The following NFKB1 variants were observed in gnomAD, a reference collection of about 807,000 sequenced individuals.
NFKB1 encodes the protein nuclear factor kappa B subunit 1.
NFKB1 carries 9 observed loss-of-function variants against 105.1 expected under a neutral mutation model. That is an observed-to-expected ratio of 0.09 (90% CI 0.05 to 0.15). The LOEUF (loss-of-function observed/expected upper bound fraction) is 0.15, where lower values mean the gene tolerates loss of function less well. Ranked by LOEUF, NFKB1 falls within the 10% of genes least tolerant of loss-of-function variation. The probability of loss-of-function intolerance (pLI) is 1.00; values close to 1 mark genes in which losing one functional copy is unlikely to be tolerated. For missense variants in NFKB1, 830 were observed against 1,203.7 expected (o/e 0.69, Z 4.59); for synonymous variants, 440 against 442.2 (o/e 1.00, Z 0.06).
rs993477623 is a variant in NFKB1, at chr4:102,607,632, T to G, written c.2125-17T>G. On this transcript the variant is annotated splice_polypyrimidine_tract_variant and intron_variant, in intron 18 of 23. Transcript: ENST00000226574. ...AGAACCTTCCACTAACGCTTTCTTG[T>G]GTGGGCTGGATTGTAGGGTGATGCC... 1.9e-6 allele frequency: 3 copies of G among 1,612,314 alleles called. No individual in the cohort carries two copies. Among genetic ancestry groups the G allele is most frequent in the Middle Eastern group, 1.7e-4 (1 of 6,056 alleles).
At chr4:102,505,871 T>C (rs1452601415) in intron 1 of NFKB1, among the ~76,000 whole-genome samples, 1 of 150,440 alleles carries the variant, frequency 6.6e-6, no homozygotes, top group East Asian at 1.9e-4. Context: ...ATGAAGTTGT[T>C]GCAAAATTTT....
rs1049333676 is a variant in NFKB1 at position 102,584,617 on chromosome 4, A to G, written c.928-65A>G. ...AGCATAAGGAATGTGTTTAATGAGT[A>G]GCATTACTGCAAAAAAAAAAAAAAT... On this transcript the variant is annotated intron_variant, in intron 10 of 23. Transcript: ENST00000226574. 3.5e-6 allele frequency: 5 copies of G among 1,433,616 alleles called. No homozygotes were observed. In the African/African-American group the frequency reaches 6.1e-5, roughly 18 times the overall value. The allele number at this position is 1,433,616 out of a possible 1,614,324, so 88.8% of individuals were successfully genotyped here.
chr4:102,568,144 A>C (rs1036488003), intron 6 of NFKB1, among the ~76,000 whole-genome samples: 2 of 152,192 alleles, frequency 1.3e-5, no homozygotes, highest in African/African-American at 4.8e-5. Flanking sequence ...ATTCCGATCA[A>C]GTTTCAAATT....
intron 5 of NFKB1, among the ~76,000 whole-genome samples, chr4:102,559,142 G>A (rs1252768651): frequency 6.6e-6 from 1 of 152,176 alleles, no homozygotes; most frequent in Non-Finnish European, 1.5e-5. Context: ...AACTGATGTG[G>A]CTGCATAGGA....
rs1490427123 is a variant in NFKB1 at position 102,617,024 on chromosome 4, TGA to T, written c.*434_*435del. 2 of 146,380 alleles carry T rather than the reference TGA, an allele frequency of 1.4e-5. No individual in the cohort carries two copies. The highest frequency in any genetic ancestry group is 1.9e-4 in the East Asian group (1 of 5,156). The allele number at this position is 146,380 out of a possible 1,614,324, so 9.1% of individuals were successfully genotyped here. A position where few individuals can be genotyped will look rare whatever the true frequency, so the allele number is the denominator to read the frequency against. On this transcript the variant is annotated 3_prime_UTR_variant, in exon 24 of 24. Transcript: ENST00000226574. ...GGTTAAGAAAAGAGATATTTTAAAATGAGAGTCACTTGATGTGCCATTTTAAA... is the reference window on the plus strand; with the variant it reads ...GGTTAAGAAAAGAGATATTTTAAAATGAGTCACTTGATGTGCCATTTTAAA...
At chr4:102,534,653 T>C (rs1195975206) in intron 4 of NFKB1, among the ~76,000 whole-genome samples, 1 of 152,120 alleles carries the variant, frequency 6.6e-6, no homozygotes, top group Non-Finnish European at 1.5e-5. Context: ...AATGGTGTAG[T>C]TCCCCACAGA....
intron 6 of NFKB1, among the ~76,000 whole-genome samples, chr4:102,576,079 T>C (rs934346192): frequency 2.0e-5 from 3 of 152,208 alleles, no homozygotes; most frequent in Admixed American, 1.3e-4. Flanking sequence ...TTTATATATT[T>C]TCTTATAAAT....
Position 102,593,466 on chromosome 4 carries a change from A to C in NFKB1, c.1108A>C (p.Asn370His). 1.2e-6 allele frequency: 2 copies of C among 1,613,646 alleles called. No homozygotes were observed. Among genetic ancestry groups the C allele is most frequent in the East Asian group, 2.2e-5 (1 of 44,868 alleles). Residue 370 changes from asparagine (N) to histidine (H), a missense_variant, in exon 12 of 24, where the codon AAT (asparagine) becomes CAT (histidine). Physicochemically the swap from Asn to His is moderately conservative, Grantham distance 68. This residue lies in a region of NFKB1 where 42 missense variants were observed against 145.7 expected (regional missense o/e 0.29). Coordinates refer to ENST00000226574, the MANE Select transcript of NFKB1 (RefSeq NM_003998.4). ...GAGGAAACGTCAGAAGCTCATGCCCAATTTTTCGGATAGTTTCGGCGGTGG... is the reference window on the plus strand; with the variant it reads ...GAGGAAACGTCAGAAGCTCATGCCCCATTTTTCGGATAGTTTCGGCGGTGG... Reference protein sequence around the residue: ...VQRKRQKLMPNFSDSFGGGSG... With the variant: ...VQRKRQKLMPHFSDSFGGGSG...
At chr4:102,579,668 T>C (rs1386939325) in intron 8 of NFKB1, among the ~76,000 whole-genome samples, 2 of 147,958 alleles carry the variant, frequency 1.4e-5, no homozygotes, top group African/African-American at 2.5e-5. Context: ...TATATATGTA[T>C]ATATATATTA....
At chr4:102,542,919 C>T (rs538047170) in intron 5 of NFKB1, among the ~76,000 whole-genome samples, 1 of 152,310 alleles carries the variant, frequency 6.6e-6, no homozygotes, top group Non-Finnish European at 1.5e-5. Context: ...AGTATGCAGA[C>T]TAACTCTTAT....
Position 102,551,347 on chromosome 4 carries a change from G to GGT in NFKB1, c.258+13411_258+13412dup, listed in dbSNP as rs199492662. Among the ~76,000 whole-genome samples the GGT allele has an allele frequency of 3.7e-3, 511 of 139,098 alleles. 4 individuals carry two copies. Among genetic ancestry groups the GGT allele is most frequent in the South Asian group, 8.6e-3 (38 of 4,418 alleles). The allele number at this position is 139,098 out of a possible 152,430, so 91.3% of individuals were successfully genotyped here. On this transcript the variant is annotated intron_variant, in intron 5 of 23. Coordinates refer to ENST00000226574, the MANE Select transcript of NFKB1 (RefSeq NM_003998.4). ...CCCTCTTCAAAGGATATTCTAAATT[G>GGT]GTGTGTGTGTGTGTGTGTGTGCGCG...
rs4648063 is a variant in NFKB1 at position 102,595,540 on chromosome 4, A to G, written c.1300+559A>G. Among the ~76,000 whole-genome samples the G allele has an allele frequency of 1.3e-3, 202 of 152,350 alleles. No individual in the cohort carries two copies. In the Middle Eastern group the frequency reaches 0.024, roughly 18 times the overall value. On this transcript the variant is annotated intron_variant, in intron 13 of 23. Coordinates refer to ENST00000226574, the MANE Select transcript of NFKB1 (RefSeq NM_003998.4). ...ACTGTTATCTTCATGACTGCTCTAT[A>G]TGGAAAATAGTAACTCCATTTTGCA... is the stretch of plus-strand genomic sequence containing the variant.
chr4:102,598,165 C>A (rs1726797890), intron 15 of NFKB1, among the ~76,000 whole-genome samples: 1 of 152,192 alleles, frequency 6.6e-6, no homozygotes, highest in South Asian at 2.1e-4. Context: ...CAGTCTATGA[C>A]TGTTTCAGAC....
At chr4:102,580,405 C>G in intron 8 of NFKB1, 130 bp from the exon 9 acceptor site, 1 of 703,608 alleles carries the variant, frequency 1.4e-6, no homozygotes, top group Non-Finnish European at 2.5e-6. Context: ...GTTTTATTTA[C>G]TTTGTTAGTG....
intron 1 of NFKB1, among the ~76,000 whole-genome samples, chr4:102,510,284 T>C (rs1019248202): frequency 1.3e-5 from 2 of 152,212 alleles, no homozygotes; most frequent in South Asian, 2.1e-4. Flanking sequence ...CTTATTTACT[T>C]TTTATTTGCA....
chr4:102,599,171 C>T (rs1266981695), intron 15 of NFKB1, among the ~76,000 whole-genome samples: 3 of 151,996 alleles, frequency 2.0e-5, no homozygotes, highest in South Asian at 2.1e-4. Flanking sequence ...AAATGCTGAG[C>T]GGCACATGGA....
intron 5 of NFKB1, among the ~76,000 whole-genome samples, chr4:102,552,354 G>T (rs1722681820): frequency 6.6e-6 from 1 of 152,098 alleles, no homozygotes; most frequent in Admixed American, 6.6e-5. Flanking sequence ...ATGAAATAAG[G>T]AGCGGTGAAT....
At chr4:102,610,482 A>G in intron 19 of NFKB1, 93 bp from the exon 20 acceptor site, 1 of 1,372,480 alleles carries the variant, frequency 7.3e-7, no homozygotes, top group Non-Finnish European at 1.0e-6. Context: ...TCAAGCTGCT[A>G]CATTGCTTTG....
chr4:102,521,105 CA>C (rs1322798368), intron 1 of NFKB1, among the ~76,000 whole-genome samples: 2 of 152,092 alleles, frequency 1.3e-5, no homozygotes, highest in Non-Finnish European at 2.9e-5. Context: ...AATCTGTTAT[CA>C]AAGGACATAC....
Sources: allele counts gnomAD v4.1 joint callset (sites outside exome capture counted in the v4.1 genomes callset), GRCh38; gene constraint gnomAD v4.1.1; regional missense constraint gnomAD v4.1.1; transcripts MANE v1.5; gene names NCBI Gene and HGNC (gene_info 2026-07-23, HGNC 2026-07-21).